The following PAPOLG variants were observed in gnomAD, a reference collection of about 807,000 sequenced individuals.
PAPOLG encodes the protein poly(A) polymerase gamma.
In PAPOLG, 40 loss-of-function variants were observed where a neutral mutation model predicts 99.0. The ratio of observed to expected loss-of-function variants is 0.40; its 90% CI spans 0.31 to 0.53. PAPOLG has a LOEUF of 0.53. Among genes scored for constraint, PAPOLG ranks in the 20% least tolerant of loss-of-function variants. PAPOLG has a pLI of 0.41. For missense variants in PAPOLG, 675 were observed against 884.1 expected, an observed-to-expected ratio of 0.76 and a Z score of 3.00; for synonymous variants, 310 against 299.3, an observed-to-expected ratio of 1.04 and a Z score of -0.37.
intron 15 of PAPOLG, among the ~76,000 whole-genome samples, chr2:60,790,060 C>G (rs1486751289): frequency 6.6e-6 from 1 of 152,150 alleles, no homozygotes; most frequent in Non-Finnish European, 1.5e-5. Context: ...CGCTGTTGCA[C>G]TCCAGCCTGG....
intron 13 of PAPOLG, among the ~76,000 whole-genome samples, 194 bp downstream of exon 13, chr2:60,783,403 G>T (rs931654884): frequency 7.8e-6 from 1 of 128,224 alleles, no homozygotes; most frequent in Admixed American, 9.3e-5. Flanking sequence ...GTTTCGCCAC[G>T]TTGGTCAGGC....
Position 60,788,612 on chromosome 2 carries a change from G to T in PAPOLG, c.1396+992G>T, listed in dbSNP as rs375131711. Among the ~76,000 whole-genome samples, 30 of 152,182 alleles carry T rather than the reference G, an allele frequency of 2.0e-4. 1 individual carries two copies. In the East Asian group the frequency reaches 3.3e-3, roughly 17 times the overall value. ...TGGGATTACAGGTGTGAGCCACCTC[G>T]CCTGGCTGAATGTTATCTGTTTTAA... On this transcript the variant is annotated intron_variant, in intron 15 of 21. Coordinates refer to ENST00000238714, the MANE Select transcript of PAPOLG (RefSeq NM_022894.4).
intron 5 of PAPOLG, among the ~76,000 whole-genome samples, chr2:60,769,132 T>C (rs1183041704): frequency 6.6e-6 from 1 of 152,198 alleles, no homozygotes; most frequent in Non-Finnish European, 1.5e-5. Context: ...AGTAACCTAA[T>C]CCTCTGAGCC....
At chr2:60,776,708 A>G (rs13389728) in intron 8 of PAPOLG, among the ~76,000 whole-genome samples, 36,219 of 151,944 alleles carry the variant, frequency 0.24, 4,984 homozygotes, top group African/African-American at 0.36. Context: ...GATTACAAGC[A>G]TGAGCCACCA....
At chr2:60,766,062 T>C (rs1670667273) in intron 3 of PAPOLG, among the ~76,000 whole-genome samples, 4 of 152,196 alleles carry the variant, frequency 2.6e-5, no homozygotes. Context: ...TCCTATTATA[T>C]AGATACTTAC....
chr2:60,790,448 A>G (rs1165133125), intron 15 of PAPOLG, among the ~76,000 whole-genome samples: 1 of 152,214 alleles, frequency 6.6e-6, no homozygotes, highest in African/African-American at 2.4e-5. Flanking sequence ...CATTGAGTAT[A>G]TTTACAATTA....
In PAPOLG at chr2:60,794,082, G is replaced by T; in HGVS notation, c.1880G>T (p.Gly627Val). ...ACAACACCTCACAACCCTGCCCAGG[G>T]ACAACCGCATCTGAATGGAATGTCA... is the stretch of plus-strand genomic sequence containing the variant. ...RITTPHNPAQ[G>V]QPHLNGMSNI... Residue 627 changes from glycine to valine, a missense_variant, in exon 19 of 22, where the codon GGA (glycine) becomes GTA (valine). Physicochemically the swap from Gly to Val is moderately radical, Grantham distance 109 (BLOSUM62 -3). Transcript: ENST00000238714. 6.2e-7 allele frequency: 1 copy of T among 1,614,074 alleles called. No individual in the cohort carries two copies. Among genetic ancestry groups the T allele is most frequent in the Non-Finnish European group, 8.5e-7 (1 of 1,180,002 alleles).
At chr2:60,780,911 TCTG>T (rs897690282) in intron 10 of PAPOLG, 132 bp downstream of exon 10, 41 of 697,878 alleles carry the variant, frequency 5.9e-5, no homozygotes, top group South Asian at 3.3e-4. Flanking sequence ...CCTTCCTCCT[TCTG>T]CTGTGGTTTT....
At chr2:60,774,103 T>G (rs965654153) in intron 7 of PAPOLG, among the ~76,000 whole-genome samples, 4 of 147,040 alleles carry the variant, frequency 2.7e-5, no homozygotes, top group African/African-American at 7.4e-5. Flanking sequence ...TGTTTTTTGT[T>G]TTTTTTTTGA....
At chr2:60,770,624 T>A in intron 6 of PAPOLG, 113 bp downstream of exon 6, 1 of 486,798 alleles carries the variant, frequency 2.1e-6, no homozygotes, top group Non-Finnish European at 3.3e-6. Context: ...AGTAATCTCT[T>A]TTTTTTTTTT....
intron 15 of PAPOLG, 64 bp downstream of exon 15, chr2:60,787,684 T>C: frequency 6.4e-7 from 1 of 1,567,586 alleles, no homozygotes; most frequent in Non-Finnish European, 8.7e-7. Context: ...GTCATCTGCC[T>C]ACAATCTGGC....
chr2:60,765,586 G>A (rs1345821740), intron 3 of PAPOLG, among the ~76,000 whole-genome samples: 12 of 152,010 alleles, frequency 7.9e-5, no homozygotes, highest in Middle Eastern at 3.4e-3. Flanking sequence ...TGAAGGATTT[G>A]GGTTTAATCA....
At position 60,760,303 on chromosome 2, in the gene PAPOLG, A is replaced by G. The variant is rs754380492; in HGVS notation, c.179+8A>G. On this transcript the variant is annotated splice_region_variant and intron_variant, in intron 2 of 21. Transcript: ENST00000238714. ...GGAAGAATTGAACCACAGGTATGTC[A>G]TTGAAAACCATAAAATATTTGACAG... 5 of 1,599,808 alleles carry G rather than the reference A, an allele frequency of 3.1e-6. No homozygotes were observed. The highest frequency in any genetic ancestry group is 2.2e-5 in the East Asian group (1 of 44,758).
chr2:60,756,374 G>A lies in PAPOLG; in HGVS notation c.-105G>A, dbSNP rs1040359520. On this transcript the variant is annotated 5_prime_UTR_variant, in exon 1 of 22. Coordinates refer to ENST00000238714, the MANE Select transcript of PAPOLG (RefSeq NM_022894.4). ...AGTAAGTGGGAAAGTGAGCGAGCAA[G>A]CGAGCTACTAGCGACCGGAGGAAAG... is the stretch of plus-strand genomic sequence containing the variant. 38 of 1,455,838 alleles carry A rather than the reference G, an allele frequency of 2.6e-5. No individual in the cohort carries two copies. The highest frequency in any genetic ancestry group is 1.8e-4 in the Middle Eastern group (1 of 5,660). 90.2% of individuals were successfully genotyped at this position (1,455,838 alleles called of 1,614,324 possible). A position where few individuals can be genotyped will look rare whatever the true frequency, so the allele number is the denominator to read the frequency against.
chr2:60,769,493 A>T (rs976549974), intron 5 of PAPOLG, among the ~76,000 whole-genome samples: 2 of 152,202 alleles, frequency 1.3e-5, no homozygotes, highest in African/African-American at 4.8e-5. Context: ...TGAAGGTCAA[A>T]GAATCTGTGA....
intron 5 of PAPOLG, 94 bp downstream of exon 5, chr2:60,768,984 T>A (rs1015742633): frequency 1.1e-6 from 1 of 912,782 alleles, no homozygotes; most frequent in African/African-American, 1.7e-5. Flanking sequence ...ACCTTCTAAG[T>A]TACTATTAGG....
At chr2:60,781,506 C>T (rs1218393980) in intron 10 of PAPOLG, among the ~76,000 whole-genome samples, 1 of 152,146 alleles carries the variant, frequency 6.6e-6, no homozygotes, top group Non-Finnish European at 1.5e-5. Context: ...AGTGAGTGCT[C>T]ATTCCTCTAG....
At chr2:60,779,581 A>T in intron 8 of PAPOLG, 56 bp from the exon 9 acceptor site, 1 of 1,523,844 alleles carries the variant, frequency 6.6e-7, no homozygotes, top group East Asian at 2.3e-5. Context: ...AGAAAAAAAA[A>T]GAATGTCACA....
chr2:60,783,450 C>T (rs542404505), intron 13 of PAPOLG, among the ~76,000 whole-genome samples: 1 of 144,674 alleles, frequency 6.9e-6, no homozygotes, highest in East Asian at 2.0e-4. Context: ...ATCCGCCCAC[C>T]TCAGCCTCCC....
Sources: gnomAD v4.1 joint callset for allele counts (sites outside exome capture counted in the v4.1 genomes callset) on GRCh38, gnomAD v4.1.1 for gene constraint, MANE v1.5 for transcripts, NCBI Gene and HGNC (gene_info 2026-07-23, HGNC 2026-07-21) for gene names.